The following LZTS3 variants were observed in gnomAD, a reference collection of about 807,000 sequenced individuals.
The protein encoded by LZTS3 is leucine zipper putative tumor suppressor 3.
Under a neutral mutation model 50.9 loss-of-function variants are expected in LZTS3, and 16 were observed. The ratio of observed to expected loss-of-function variants is 0.31; its 90% CI spans 0.21 to 0.48. The LOEUF is 0.48. Ranked by LOEUF, LZTS3 falls within the 20% of genes least tolerant of loss-of-function variation. The pLI is 0.99. For missense variants in LZTS3, 816 were observed against 931.0 expected, an observed-to-expected ratio of 0.88 and a Z score of 1.61; for synonymous variants, 408 against 410.6, an observed-to-expected ratio of 0.99 and a Z score of 0.08.
At position 3,164,707 on chromosome 20, in the gene LZTS3, G is replaced by A; in HGVS notation, c.1769C>T (p.Ala590Val). Residue 590 changes from alanine to valine, a missense_variant, in exon 5 of 5, where the codon GCC (alanine) becomes GTC (valine). This residue lies in a region of LZTS3 where 107 missense variants were observed against 130.4 expected (regional missense o/e 0.82). Coordinates refer to ENST00000337576, the MANE Select transcript of LZTS3 (RefSeq NM_001365618.1). ...LQAELAAERR[A>V]RERQGASFAE... ...GAAGCTGGCACCCTGGCGCTCCCGG[G>A]CCCGCCGCTCAGCCGCCAGCTCGGC... is the stretch of plus-strand genomic sequence containing the variant. The A allele has an allele frequency of 1.3e-6, 2 of 1,566,944 alleles. No individual in the cohort carries two copies. Among genetic ancestry groups the A allele is most frequent in the Non-Finnish European group, 1.7e-6 (2 of 1,159,414 alleles).
intron 2 of LZTS3, 162 bp downstream of exon 2, chr20:3,167,576 T>C: frequency 1.0e-6 from 1 of 1,004,068 alleles, no homozygotes; most frequent in Admixed American, 5.8e-5. Context: ...TTATCTTGGG[T>C]CTGGGACCCT....
At chr20:3,167,548 C>T in intron 2 of LZTS3, 190 bp downstream of exon 2, 4 of 1,029,052 alleles carry the variant, frequency 3.9e-6, no homozygotes, top group Non-Finnish European at 3.5e-6. Context: ...TGCTGCAACC[C>T]CAGAATTTTG....
rs1278749373 is a variant in LZTS3, at chr20:3,164,704, C to A, written c.1772G>T (p.Arg591Leu). The A allele has an allele frequency of 1.3e-6, 2 of 1,565,036 alleles. No individual in the cohort carries two copies. The highest frequency in any genetic ancestry group is 2.7e-5 in the African/African-American group (2 of 72,788). ...QAELAAERRA[R>L]ERQGASFAEE... ...GGCGAAGCTGGCACCCTGGCGCTCC[C>A]GGGCCCGCCGCTCAGCCGCCAGCTC... The change falls in exon 5 of 5, where the codon CGG (arginine) becomes CTG (leucine). Residue 591 changes from arginine (R) to leucine (L), a missense_variant. Coordinates refer to ENST00000337576, the MANE Select transcript of LZTS3 (RefSeq NM_001365618.1).
rs1414064297 is a variant in LZTS3 at position 3,167,901 on chromosome 20, C to G, written c.-182G>C. The G allele has an allele frequency of 2.0e-6, 2 of 980,356 alleles. No homozygotes were observed. The highest frequency in any genetic ancestry group is 2.4e-6 in the Non-Finnish European group (2 of 825,352). The allele number at this position is 980,356 out of a possible 1,614,324, so 60.7% of individuals were successfully genotyped here. A position where few individuals can be genotyped will look rare whatever the true frequency, so the allele number is the denominator to read the frequency against. ...TCACTCTCGCAGTCGGGGCTCGGCC[C>G]GAACCAGCTGCGCGACTTTGGAGGG... On this transcript the variant is annotated 5_prime_UTR_variant, in exon 2 of 5. Transcript: ENST00000337576.
rs2066797010 is a variant in LZTS3, at chr20:3,165,395, C to CCCCCCCCCCCT, written c.1323+101_1323+102insAGGGGGGGGGG. 2.9e-6 allele frequency: 3 copies of CCCCCCCCCCCT among 1,046,556 alleles called. No individual in the cohort carries two copies. Among genetic ancestry groups the CCCCCCCCCCCT allele is most frequent in the Non-Finnish European group, 4.0e-6 (3 of 750,586 alleles). 64.8% of individuals were successfully genotyped at this position (1,046,556 alleles called of 1,614,324 possible). A position where few individuals can be genotyped will look rare whatever the true frequency, so the allele number is the denominator to read the frequency against. On this transcript the variant is annotated intron_variant, in intron 4 of 4. Transcript: ENST00000337576. The surrounding 1 kb of genome is among the most constrained non-coding windows in gnomAD (Gnocchi z 5.0). ...TTTGTCCCCCCTGCTCCTTTCATCC[C>CCCCCCCCCCCT]CCCCCCCATCCCACCGTTATGATAG...
rs755720498 is a variant in LZTS3 at position 3,165,144 on chromosome 20, C to A, written c.1332G>T (p.Gln444His). The change falls in exon 5 of 5, where the codon CAG becomes CAT. Residue 444 changes from glutamine (Q) to histidine (H), a missense_variant. This residue lies in a region of LZTS3 where 700 missense variants were observed against 769.4 expected (regional missense o/e 0.91). Transcript: ENST00000337576. The surrounding 1 kb of genome is among the most constrained non-coding windows in gnomAD (Gnocchi z 5.0). ...RIEETKWEVC[Q>H]KAGEISLLKQ... ...TCAGGAGGGAGATCTCGCCAGCCTTCTGGCACACCTGGGCAGGAACAGGTG... is the reference window on the plus strand; with the variant it reads ...TCAGGAGGGAGATCTCGCCAGCCTTATGGCACACCTGGGCAGGAACAGGTG... The A allele has an allele frequency of 6.4e-7, 1 of 1,564,372 alleles. No individual in the cohort carries two copies. Among genetic ancestry groups the A allele is most frequent in the South Asian group, 1.2e-5 (1 of 84,244 alleles).
rs1009370056 is a variant in LZTS3, at chr20:3,173,525, A to C, written c.-313T>G. 5.3e-5 allele frequency: 8 copies of C among 151,094 alleles called. No homozygotes were observed. Among genetic ancestry groups the C allele is most frequent in the Admixed American group, 5.3e-4 (8 of 15,176 alleles). 9.4% of individuals were successfully genotyped at this position (151,094 alleles called of 1,614,324 possible). ...CGGCCCCGCTTGCTGGCGCAGCCCGAAGCACGCCCGGCGGGGCGCGCTGCG... is the reference window on the plus strand; with the variant it reads ...CGGCCCCGCTTGCTGGCGCAGCCCGCAGCACGCCCGGCGGGGCGCGCTGCG... On this transcript the variant is annotated 5_prime_UTR_variant, in exon 1 of 5. Coordinates refer to ENST00000337576, the MANE Select transcript of LZTS3 (RefSeq NM_001365618.1).
In LZTS3 at chr20:3,164,045, C is replaced by T; in HGVS notation, c.*409G>A. The T allele has an allele frequency of 5.9e-6, 1 of 169,418 alleles. No individual in the cohort carries two copies. Among genetic ancestry groups the T allele is most frequent in the Non-Finnish European group, 1.2e-5 (1 of 80,180 alleles). The allele number at this position is 169,418 out of a possible 1,614,324, so 10.5% of individuals were successfully genotyped here. A position where few individuals can be genotyped will look rare whatever the true frequency, so the allele number is the denominator to read the frequency against. ...GTGCAGGCCCCCTCAGGCTCCATGG[C>T]CTAGGAGGTGAGCACAGAGAGCATC... On this transcript the variant is annotated 3_prime_UTR_variant, in exon 5 of 5. Coordinates refer to ENST00000337576, the MANE Select transcript of LZTS3 (RefSeq NM_001365618.1).
At position 3,167,135 on chromosome 20, in the gene LZTS3, C is replaced by A; in HGVS notation, c.29G>T (p.Arg10Leu). Residue 10 changes from arginine (R) to leucine (L), a missense_variant, in exon 3 of 5, where the codon CGC becomes CTC. Transcript: ENST00000337576. MAKLETLPV[R>L]ADPGRDPLLA... ...GAGAGGATCCCGCCCTGGGTCAGCGCGCACAGGCAGCGTCTCCAGCTTCGC... is the reference window on the plus strand; with the variant it reads ...GAGAGGATCCCGCCCTGGGTCAGCGAGCACAGGCAGCGTCTCCAGCTTCGC... 6.7e-7 allele frequency: 1 copy of A among 1,493,596 alleles called. No individual in the cohort carries two copies. Among genetic ancestry groups the A allele is most frequent in the Non-Finnish European group, 8.9e-7 (1 of 1,126,916 alleles). 92.5% of individuals were successfully genotyped at this position (1,493,596 alleles called of 1,614,324 possible).
At chr20:3,168,192 C>G (rs2066858585) in intron 1 of LZTS3, 1 of 152,224 alleles carries the variant, frequency 6.6e-6, no homozygotes, top group Admixed American at 6.5e-5. Context: ...CCAGCTCGGC[C>G]GCACCGGGGC....
rs185756154 is a variant in LZTS3, at chr20:3,165,599, C to G, written c.1221G>C (p.Ala407=). Residue 407 remains alanine (A), a synonymous_variant, in exon 4 of 5, where the codon GCG becomes GCC. Coordinates refer to ENST00000337576, the MANE Select transcript of LZTS3 (RefSeq NM_001365618.1). This position sits in a 1 kb window ranked among gnomAD's most constrained non-coding sequence, Gnocchi z 5.0. ...QQDKKQLQEE[A]ARLMRQREEL... is the part of the protein sequence containing the mutation. Reference sequence around the variant, plus strand: ...CTTCCCGCTGCCGCATCAGCCGGGCCGCCTCCTCCTGCAGCTGCTTCTTGT... The same window carrying G: ...CTTCCCGCTGCCGCATCAGCCGGGCGGCCTCCTCCTGCAGCTGCTTCTTGT... The G allele has an allele frequency of 1.3e-6, 2 of 1,596,922 alleles. No individual in the cohort carries two copies. Among genetic ancestry groups the G allele is most frequent in the South Asian group, 2.2e-5 (2 of 90,810 alleles).
chr20:3,164,940 C>A lies in LZTS3; in HGVS notation c.1536G>T (p.Leu512=). 4 of 1,550,706 alleles carry A rather than the reference C, an allele frequency of 2.6e-6. No individual in the cohort carries two copies. Among genetic ancestry groups the A allele is most frequent in the East Asian group, 2.4e-5 (1 of 42,040 alleles). The change falls in exon 5 of 5, where the codon CTG becomes CTT. Residue 512 remains leucine (L), a synonymous_variant. Transcript: ENST00000337576. Reference sequence around the variant, plus strand: ...GCGCCGGCTTGAGGCAGGCGGCAGGCAGCTCGCCTTCGCCCAGCTCCAGGC... The same window carrying A: ...GCGCCGGCTTGAGGCAGGCGGCAGGAAGCTCGCCTTCGCCCAGCTCCAGGC... ...QASLELGEGE[L]PAACLKPALT...
Position 3,167,739 on chromosome 20 carries a change from T to G in LZTS3, c.-20A>C. ...GGGGGTCCTTCCCAGCCCCCTAACC[T>G]AAGTGTTGCAGTCAGGGCAGAAGTG... On this transcript the variant is annotated splice_region_variant and 5_prime_UTR_variant, in exon 2 of 5. Coordinates refer to ENST00000337576, the MANE Select transcript of LZTS3 (RefSeq NM_001365618.1). The G allele has an allele frequency of 1.0e-6, 1 of 985,524 alleles. No homozygotes were observed. Among genetic ancestry groups the G allele is most frequent in the Non-Finnish European group, 1.2e-6 (1 of 830,104 alleles). 61.0% of individuals were successfully genotyped at this position (985,524 alleles called of 1,614,324 possible).
Position 3,165,913 on chromosome 20 carries a change from C to A in LZTS3, c.907G>T (p.Gly303Ter). The A allele has an allele frequency of 6.2e-7, 1 of 1,610,252 alleles. No homozygotes were observed. The highest frequency in any genetic ancestry group is 8.5e-7 in the Non-Finnish European group (1 of 1,179,858). The change falls in exon 4 of 5, where the codon GGA (glycine) becomes TGA (stop). Residue 303 changes from glycine (G) to a stop codon, truncating the protein, a stop_gained. Transcript: ENST00000337576. LOFTEE classifies it high-confidence loss of function. The surrounding 1 kb of genome is among the most constrained non-coding windows in gnomAD (Gnocchi z 5.0). The stretch of plus-strand genomic sequence containing the variant: ...GCCGCGAAAGGCAGGCCTCCACCTC[C>A]GCCCTCCCCAGAGCCCAGGTGGCCT... Reference protein sequence around the residue: ...RPGHLGSGEGGGGGLPFAACS... With the variant: ...RPGHLGSGEG
chr20:3,167,124 C>G lies in LZTS3; in HGVS notation c.40G>C (p.Gly14Arg), dbSNP rs2066840959. ...GCAAAGGCCAGGAGAGGATCCCGCC[C>G]TGGGTCAGCGCGCACAGGCAGCGTC... ...LETLPVRADPGRDPLLAFAPR... is the reference protein window; with the variant it reads ...LETLPVRADPRRDPLLAFAPR... The change falls in exon 3 of 5, where the codon GGG becomes CGG. Residue 14 changes from glycine (G) to arginine (R), a missense_variant. Gly to Arg is a moderately radical substitution (Grantham distance 125). Around this residue, in one of 3 missense-constraint regions of LZTS3, gnomAD observed 700 missense variants for 769.4 expected, o/e 0.91. Transcript: ENST00000337576. 1 of 1,504,626 alleles carries G rather than the reference C, an allele frequency of 6.6e-7. No homozygotes were observed. The highest frequency in any genetic ancestry group is 8.8e-7 in the Non-Finnish European group (1 of 1,130,640). 93.2% of individuals were successfully genotyped at this position (1,504,626 alleles called of 1,614,324 possible). A position where few individuals can be genotyped will look rare whatever the true frequency, so the allele number is the denominator to read the frequency against.
chr20:3,165,183 G>A lies in LZTS3; in HGVS notation c.1324-31C>T. 1 of 1,488,666 alleles carries A rather than the reference G, an allele frequency of 6.7e-7. No homozygotes were observed. The highest frequency in any genetic ancestry group is 9.0e-7 in the Non-Finnish European group (1 of 1,116,140). 92.2% of individuals were successfully genotyped at this position (1,488,666 alleles called of 1,614,324 possible). ...CAGGAACAGGTGAGAGGAGAAGCCA[G>A]GTAAAGGCAGAGCTCTGCTCACCCC... is the stretch of plus-strand genomic sequence containing the variant. On this transcript the variant is annotated intron_variant, in intron 4 of 4. Coordinates refer to ENST00000337576, the MANE Select transcript of LZTS3 (RefSeq NM_001365618.1). This position sits in a 1 kb window ranked among gnomAD's most constrained non-coding sequence, Gnocchi z 5.0.
intron 1 of LZTS3, among the ~76,000 whole-genome samples, chr20:3,169,552 C>A (rs992202124): frequency 2.5e-4 from 38 of 152,220 alleles, no homozygotes; most frequent in African/African-American, 8.7e-4. Context: ...AAAATAGTTG[C>A]TTTGGGAAAC....
In LZTS3 at chr20:3,164,443, G is replaced by A. The variant is rs780356418; in HGVS notation, c.*11C>T. 6.6e-7 allele frequency: 1 copy of A among 1,514,388 alleles called. No individual in the cohort carries two copies. Among genetic ancestry groups the A allele is most frequent in the East Asian group, 2.5e-5 (1 of 40,270 alleles). The allele number at this position is 1,514,388 out of a possible 1,614,324, so 93.8% of individuals were successfully genotyped here. ...CAGGACATGTGTCAAAATGCCGAGT[G>A]CCCAGGTCGATCAGATTTCTGTGGA... is the stretch of plus-strand genomic sequence containing the variant. On this transcript the variant is annotated 3_prime_UTR_variant, in exon 5 of 5. Transcript: ENST00000337576.
chr20:3,167,043 C>G lies in LZTS3; in HGVS notation c.121G>C (p.Gly41Arg). The G allele has an allele frequency of 6.4e-7, 1 of 1,574,536 alleles. No homozygotes were observed. The highest frequency in any genetic ancestry group is 8.6e-7 in the Non-Finnish European group (1 of 1,164,368). The change falls in exon 3 of 5, where the codon GGC becomes CGC. Residue 41 changes from glycine to arginine, a missense_variant. By Grantham distance (125) the Gly-to-Arg change is moderately radical (BLOSUM62 -2). Transcript: ENST00000337576. ...TCCTGGGCATGGGCCACCCCACTGC[C>G]CACGCTGCCCATGGCCAGGCGGGGG... ...PDPRLAMGSV[G>R]SGVAHAQEFA...
Sources: gnomAD v4.1 joint callset for allele counts (sites outside exome capture counted in the v4.1 genomes callset) on GRCh38, gnomAD v4.1.1 for gene constraint, gnomAD v4.1.1 regional missense constraint, Gnocchi (gnomAD v3.1) non-coding constraint, MANE v1.5 for transcripts, NCBI Gene and HGNC (gene_info 2026-07-23, HGNC 2026-07-21) for gene names.